CFAP57: variants seen among roughly 807,000 people sequenced by gnomAD.
CFAP57 encodes the protein cilia and flagella associated protein 57, also known as cilia- and flagella-associated protein 57.
CFAP57 carries 116 observed loss-of-function variants against 146.8 expected under a neutral mutation model. That is an observed-to-expected ratio of 0.79 (90% CI 0.68 to 0.92). CFAP57 has a LOEUF of 0.92. CFAP57 is among the 40% of genes least tolerant of loss of function. The probability of loss-of-function intolerance (pLI) is 0.00; values close to 1 mark genes in which losing one functional copy is unlikely to be tolerated. For missense variants in CFAP57, 1,377 were observed against 1,527.2 expected (o/e 0.90, Z 1.64); for synonymous variants, 518 against 552.8 (o/e 0.94, Z 0.88).
intron 10 of CFAP57, among the ~76,000 whole-genome samples, chr1:43,208,546 A>G (rs576940395): frequency 1.3e-5 from 2 of 152,358 alleles, no homozygotes; most frequent in East Asian, 3.9e-4. Context: ...TCGCAAGGAC[A>G]GAAAACGAAA....
At chr1:43,191,074 C>T (rs1164936975) in intron 6 of CFAP57, among the ~76,000 whole-genome samples, 1 of 152,060 alleles carries the variant, frequency 6.6e-6, no homozygotes, top group Non-Finnish European at 1.5e-5. Context: ...TAGAATTCAC[C>T]AGTGAAGTCA....
chr1:43,208,553 G>A (rs932376135), intron 10 of CFAP57, among the ~76,000 whole-genome samples: 5 of 152,134 alleles, frequency 3.3e-5, no homozygotes, highest in Non-Finnish European at 5.9e-5. Flanking sequence ...GACAGAAAAC[G>A]AAACACCGCA....
At chr1:43,222,559 G>A (rs1645087010) in intron 15 of CFAP57, among the ~76,000 whole-genome samples, 1 of 152,210 alleles carries the variant, frequency 6.6e-6, no homozygotes, top group Non-Finnish European at 1.5e-5. Flanking sequence ...AGGAGAACAG[G>A]GATGGGGTGT....
At chr1:43,178,510 T>C (rs1440957072) in intron 2 of CFAP57, among the ~76,000 whole-genome samples, 21 of 152,332 alleles carry the variant, frequency 1.4e-4, no homozygotes, top group Non-Finnish European at 1.5e-5. Flanking sequence ...AAGACATTTA[T>C]GCAGCCAACC....
At chr1:43,190,544 A>G (rs985660310) in intron 6 of CFAP57, among the ~76,000 whole-genome samples, 1 of 152,126 alleles carries the variant, frequency 6.6e-6, no homozygotes, top group Non-Finnish European at 1.5e-5. Context: ...TGCTGGGATT[A>G]CAGGCGTGAG....
chr1:43,232,269 A>G (rs979886592), intron 18 of CFAP57: 1 of 591,040 alleles, frequency 1.7e-6, no homozygotes, highest in Non-Finnish European at 3.0e-6. Flanking sequence ...CTCAGAGGGA[A>G]AACTTCCCAG....
At chr1:43,244,014 C>T (rs566308382) in intron 22 of CFAP57, among the ~76,000 whole-genome samples, 5 of 152,244 alleles carry the variant, frequency 3.3e-5, no homozygotes, top group African/African-American at 7.2e-5. Context: ...GAGAAACAAA[C>T]GTTTCCCTGG....
intron 18 of CFAP57, among the ~76,000 whole-genome samples, chr1:43,228,162 G>A (rs1001852827): frequency 3.3e-5 from 5 of 152,122 alleles, no homozygotes; most frequent in African/African-American, 9.7e-5. Context: ...AAGGTCCTGC[G>A]TGATCCAGCC....
chr1:43,239,438 A>G (rs1645824872), intron 21 of CFAP57, among the ~76,000 whole-genome samples: 1 of 145,824 alleles, frequency 6.9e-6, no homozygotes, highest in Non-Finnish European at 1.5e-5. Flanking sequence ...TCACAGTGAC[A>G]GGGCTGTAGA....
At chr1:43,247,989 G>C (rs1017026826) in intron 22 of CFAP57, among the ~76,000 whole-genome samples, 4 of 151,832 alleles carry the variant, frequency 2.6e-5, no homozygotes, top group Non-Finnish European at 4.4e-5. Context: ...GCCGGGCGTG[G>C]TGGCAGGCAC....
chr1:43,217,089 T>TG (rs1644862996), intron 12 of CFAP57, among the ~76,000 whole-genome samples: 1 of 152,182 alleles, frequency 6.6e-6, no homozygotes, highest in Non-Finnish European at 1.5e-5. Flanking sequence ...CAAGGGCCAG[T>TG]GAGCAATGAG....
Position 43,209,819 on chromosome 1 carries a change from T to C in CFAP57, c.1832T>C (p.Val611Ala), listed in dbSNP as rs1318158454. Residue 611 changes from valine (V) to alanine (A), a missense_variant, in exon 11 of 23, where the codon GTG becomes GCG. Val to Ala is a moderately conservative substitution (Grantham distance 64). Coordinates refer to ENST00000372492, the MANE Select transcript of CFAP57 (RefSeq NM_001378189.1). ...TCGCATTCTGGACGCATGATGTTTG[T>C]GGGCACCTCGGTGGGAACCATTCGT... is the stretch of plus-strand genomic sequence containing the variant. Reference protein sequence around the residue: ...VISHSGRMMFVGTSVGTIRAM... With the variant: ...VISHSGRMMFAGTSVGTIRAM... 1 of 1,614,178 alleles carries C rather than the reference T, an allele frequency of 6.2e-7. No individual in the cohort carries two copies. The highest frequency in any genetic ancestry group is 8.5e-7 in the Non-Finnish European group (1 of 1,180,036).
chr1:43,253,223 G>A (rs531667279), intron 22 of CFAP57, among the ~76,000 whole-genome samples: 4 of 152,322 alleles, frequency 2.6e-5, no homozygotes, highest in African/African-American at 9.6e-5. Flanking sequence ...AGCCAATTTG[G>A]TAGGCAAGAA....
Position 43,254,008 on chromosome 1 carries a change from C to T in CFAP57, c.3570C>T (p.Pro1190=). The change falls in exon 23 of 23, where the codon CCC becomes CCT. Residue 1190 remains proline (P), a synonymous_variant. Transcript: ENST00000372492. ...GCAGGGACATGCTCAGCACAGCTCC[C>T]ACCGCAAGGTTGAATGAGCAAGAAG... The part of the protein sequence containing the change: ...EPSRDMLSTA[P]TARLNEQEET... 6.4e-7 allele frequency: 1 copy of T among 1,550,568 alleles called. No homozygotes were observed. Among genetic ancestry groups the T allele is most frequent in the Non-Finnish European group, 8.7e-7 (1 of 1,147,010 alleles).
chr1:43,215,105 C>G (rs1644782524), intron 11 of CFAP57, 150 bp from the exon 12 acceptor site: 1 of 791,930 alleles, frequency 1.3e-6, no homozygotes, highest in Middle Eastern at 3.7e-4. Context: ...CCTGTGAGGG[C>G]TCCTCTCTCA....
chr1:43,172,551 G>C, intron 1 of CFAP57, 98 bp downstream of exon 1: 1 of 961,846 alleles, frequency 1.0e-6, no homozygotes, highest in Non-Finnish European at 1.5e-6. Flanking sequence ...GGGTGGCGCG[G>C]AGGAGGACCC....
rs1570276575 is a variant in CFAP57, at chr1:43,232,627, G to A, written c.3126+3G>A. 8.5e-6 allele frequency: 13 copies of A among 1,529,874 alleles called. No homozygotes were observed. Among genetic ancestry groups the A allele is most frequent in the Non-Finnish European group, 1.1e-5 (13 of 1,131,490 alleles). The allele number at this position is 1,529,874 out of a possible 1,614,324, so 94.8% of individuals were successfully genotyped here. On this transcript the variant is annotated splice_donor_region_variant and intron_variant, in intron 19 of 22. Coordinates refer to ENST00000372492, the MANE Select transcript of CFAP57 (RefSeq NM_001378189.1). ...AGATGCGCAGAGAGAGACAGAAGGTGTGAGGGTTTCAGAGTCTGGCAGTTC... is the reference window on the plus strand; with the variant it reads ...AGATGCGCAGAGAGAGACAGAAGGTATGAGGGTTTCAGAGTCTGGCAGTTC...
rs903610487 is a variant in CFAP57 at position 43,238,009 on chromosome 1, G to A, written c.3405+3371G>A. ...GTAGATGAGAAGTACTTGGAAAGGG[G>A]AAAGTTGTGGTGTCAAAAGGCATTT... On this transcript the variant is annotated intron_variant, in intron 21 of 22. Transcript: ENST00000372492. The surrounding 1 kb of genome is among the most constrained non-coding windows in gnomAD (Gnocchi z 4.3). Among the ~76,000 whole-genome samples, 1 of 152,208 alleles carries A rather than the reference G, an allele frequency of 6.6e-6. No homozygotes were observed. The highest frequency in any genetic ancestry group is 2.4e-5 in the African/African-American group (1 of 41,442).
chr1:43,178,252 C>A (rs1645247253), intron 2 of CFAP57, among the ~76,000 whole-genome samples: 1 of 152,130 alleles, frequency 6.6e-6, no homozygotes, highest in Non-Finnish European at 1.5e-5. Flanking sequence ...TCTGAAACAC[C>A]AAAAGCAATG....
Sources: allele counts gnomAD v4.1 joint callset (sites outside exome capture counted in the v4.1 genomes callset), GRCh38; gene constraint gnomAD v4.1.1; non-coding constraint Gnocchi (gnomAD v3.1); transcripts MANE v1.5; gene names NCBI Gene and HGNC (gene_info 2026-07-23, HGNC 2026-07-21).